ALK: variants seen among roughly 807,000 people sequenced by gnomAD.
ALK encodes the protein ALK tyrosine kinase receptor.
In ALK, 74 loss-of-function variants were observed where a neutral mutation model predicts 163.1. The ratio of observed to expected loss-of-function variants is 0.45; its 90% confidence interval spans 0.38 to 0.55. ALK has a LOEUF of 0.55. Ranked by LOEUF, ALK falls within the 20% of genes least tolerant of loss-of-function variation. ALK has a pLI of 0.00. For synonymous variants in ALK, 960 were observed against 843.2 expected (o/e 1.14, Z -2.40); for missense variants, 2,063 against 2,105.3 (o/e 0.98, Z 0.39).
chr2:29,303,126 G>C (rs981724929), intron 8 of ALK, among the ~76,000 whole-genome samples: 5 of 152,050 alleles, frequency 3.3e-5, no homozygotes, highest in Admixed American at 6.6e-5. Flanking sequence ...CATCCAAGAA[G>C]GGATTAATAT....
intron 1 of ALK, among the ~76,000 whole-genome samples, chr2:29,882,568 C>T (rs1666892557): frequency 6.6e-6 from 1 of 152,088 alleles, no homozygotes; most frequent in Admixed American, 6.6e-5. Flanking sequence ...GTGGTGCGCA[C>T]CTGTAGTCCC....
At chr2:29,275,534 T>TG (rs1054047267) in intron 9 of ALK, 38 bp from the exon 10 acceptor site, 11 of 1,604,264 alleles carry the variant, frequency 6.9e-6, no homozygotes, top group Non-Finnish European at 9.4e-6. Context: ...AGGAGCAAAC[T>TG]GGGGGGTCTT....
chr2:29,506,550 T>G (rs983626993), intron 4 of ALK, among the ~76,000 whole-genome samples: 13 of 151,982 alleles, frequency 8.6e-5, no homozygotes, highest in Admixed American at 4.6e-4. Context: ...ATTGAGACCA[T>G]CCTGGCCAAC....
intron 1 of ALK, among the ~76,000 whole-genome samples, chr2:29,859,050 A>T (rs1315133085): frequency 6.6e-6 from 1 of 151,770 alleles, no homozygotes; most frequent in Non-Finnish European, 1.5e-5. Context: ...AAACAAACAA[A>T]CAAACAAAAA....
At chr2:29,780,553 G>A (rs1434960866) in intron 1 of ALK, among the ~76,000 whole-genome samples, 2 of 152,174 alleles carry the variant, frequency 1.3e-5, no homozygotes, top group South Asian at 2.1e-4. Context: ...ATTATTGATC[G>A]GGCCTAACTG....
intron 1 of ALK, among the ~76,000 whole-genome samples, chr2:29,758,292 G>A (rs776816776): frequency 5.3e-5 from 8 of 152,070 alleles, no homozygotes; most frequent in Non-Finnish European, 8.8e-5. Flanking sequence ...CCAGCCCCAC[G>A]TACTCTTATT....
At chr2:29,803,323 G>C (rs1207272768) in intron 1 of ALK, among the ~76,000 whole-genome samples, 3 of 152,148 alleles carry the variant, frequency 2.0e-5, no homozygotes, top group African/African-American at 7.2e-5. Context: ...CTCCCACAAA[G>C]TATTATTGTA....
chr2:29,806,254 G>A (rs938469871), intron 1 of ALK, among the ~76,000 whole-genome samples: 1 of 152,124 alleles, frequency 6.6e-6, no homozygotes, highest in African/African-American at 2.4e-5. Context: ...GTGTGCATTG[G>A]GTCTGTAATT....
At chr2:29,377,621 C>A (rs1440386987) in intron 5 of ALK, among the ~76,000 whole-genome samples, 1 of 152,134 alleles carries the variant, frequency 6.6e-6, no homozygotes, top group East Asian at 1.9e-4. Context: ...GTACTTGTAT[C>A]ATTTTATATA....
chr2:29,592,308 G>A (rs866140532), intron 3 of ALK, among the ~76,000 whole-genome samples: 6 of 152,170 alleles, frequency 3.9e-5, no homozygotes, highest in African/African-American at 9.7e-5. Flanking sequence ...CCGAGGAGCT[G>A]GTCACAAAGC....
chr2:29,631,401 G>C (rs1260219995), intron 3 of ALK, among the ~76,000 whole-genome samples: 2 of 152,198 alleles, frequency 1.3e-5, no homozygotes, highest in Non-Finnish European at 2.9e-5. Flanking sequence ...AGGAGCCTCT[G>C]CTTCTGGCTC....
chr2:29,715,562 C>T (rs543666427), intron 2 of ALK, among the ~76,000 whole-genome samples: 2 of 152,326 alleles, frequency 1.3e-5, no homozygotes, highest in African/African-American at 4.8e-5. Flanking sequence ...TTTTGACCTG[C>T]AACCTCTTAT....
At chr2:29,452,508 T>A (rs999718961) in intron 4 of ALK, among the ~76,000 whole-genome samples, 3 of 152,144 alleles carry the variant, frequency 2.0e-5, no homozygotes, top group Non-Finnish European at 2.9e-5. Context: ...TTCTTCATTG[T>A]CTAACTCCTA....
intron 24 of ALK, among the ~76,000 whole-genome samples, chr2:29,210,501 T>C (rs191008444): frequency 3.3e-5 from 5 of 152,224 alleles, no homozygotes; most frequent in African/African-American, 9.6e-5. Flanking sequence ...GGTGCGATCT[T>C]GGCTCACTGC....
In ALK at chr2:29,535,792, T is replaced by G. The variant is rs113449468; in HGVS notation, c.953-3676A>C. Among the ~76,000 whole-genome samples the G allele has an allele frequency of 9.8e-3, 1,488 of 152,296 alleles. 22 individuals carry two copies. Among genetic ancestry groups the G allele is most frequent in the African/African-American group, 0.034 (1,410 of 41,556 alleles). ...CAAACTGTCAGTAATTCTATCTGCC[T>G]GCCTAGAATATTATTAATCTAAAGA... On this transcript the variant is annotated intron_variant, in intron 3 of 28. Coordinates refer to ENST00000389048, the MANE Select transcript of ALK (RefSeq NM_004304.5).
rs763862465 is a variant in ALK at position 29,251,165 on chromosome 2, C to T, written c.2144G>A (p.Gly715Glu). The stretch of plus-strand genomic sequence containing the variant: ...GATGCCTTTCAGGGGGCCCTCGCTC[C>T]CCACCTCCACGCTCAGGTTGGAGTT... Reference protein sequence around the residue: ...YQNSNLSVEVGSEGPLKGIQI... With the variant: ...YQNSNLSVEVESEGPLKGIQI... The change falls in exon 12 of 29, where the codon GGG (glycine) becomes GAG (glutamate). Residue 715 changes from glycine to glutamate, a missense_variant. Gly to Glu is a moderately conservative substitution (Grantham distance 98). Coordinates refer to ENST00000389048, the MANE Select transcript of ALK (RefSeq NM_004304.5). 2.7e-5 allele frequency: 44 copies of T among 1,614,022 alleles called. No individual in the cohort carries two copies. The highest frequency in any genetic ancestry group is 3.3e-5 in the Non-Finnish European group (39 of 1,180,022).
chr2:29,678,068 T>C (rs543464074), intron 3 of ALK, among the ~76,000 whole-genome samples: 4 of 152,160 alleles, frequency 2.6e-5, no homozygotes, highest in African/African-American at 9.6e-5. Flanking sequence ...TATATTGTCA[T>C]ATCTAAGGTG....
chr2:29,214,697 A>ACATCT (rs1299409827), intron 23 of ALK, among the ~76,000 whole-genome samples: 9 of 152,138 alleles, frequency 5.9e-5, no homozygotes, highest in Admixed American at 5.9e-4. Context: ...CCCTCTGGGG[A>ACATCT]CATCTCATCT....
chr2:29,870,399 C>A (rs1192680682), intron 1 of ALK, among the ~76,000 whole-genome samples: 2 of 151,898 alleles, frequency 1.3e-5, no homozygotes, highest in African/African-American at 4.8e-5. Context: ...TTTTAAAAAA[C>A]CAGATCTCAT....
Sources: gnomAD v4.1 joint callset for allele counts (sites outside exome capture counted in the v4.1 genomes callset) on GRCh38, gnomAD v4.1.1 for gene constraint, MANE v1.5 for transcripts, NCBI Gene and HGNC (gene_info 2026-07-23, HGNC 2026-07-21) for gene names.